The following TNRC6A variants were observed in gnomAD, a reference collection of about 807,000 sequenced individuals.
TNRC6A encodes trinucleotide repeat containing adaptor 6A, also known as trinucleotide repeat-containing gene 6A protein.
A neutral mutation model predicts 221.2 loss-of-function variants in TNRC6A; 44 were observed. That is an observed-to-expected ratio of 0.20 (90% confidence interval 0.16 to 0.26). The LOEUF is 0.26. TNRC6A is among the 10% of genes least tolerant of loss of function. The pLI is 1.00. For synonymous variants in TNRC6A, 847 were observed against 838.5 expected, an observed-to-expected ratio of 1.01 and a Z score of -0.18; for missense variants, 2,199 against 2,404.4, an observed-to-expected ratio of 0.91 and a Z score of 1.79.
chr16:24,721,779 CTG>C (rs1398790412), intron 2 of TNRC6A, among the ~76,000 whole-genome samples: 1 of 152,162 alleles, frequency 6.6e-6, no homozygotes, highest in Admixed American at 6.5e-5. Flanking sequence ...AGTAAACAAA[CTG>C]TGGTATATCC....
intron 2 of TNRC6A, among the ~76,000 whole-genome samples, chr16:24,676,843 C>T (rs887105405): frequency 3.3e-5 from 5 of 152,184 alleles, no homozygotes; most frequent in Non-Finnish European, 7.3e-5. Context: ...ACTCCTATCT[C>T]TCTGAGTGCT....
chr16:24,739,478 C>CTTTTTTTTTTTTTTTTTTTTTTTTTT, intron 2 of TNRC6A, among the ~76,000 whole-genome samples: 1 of 118,294 alleles, frequency 8.5e-6, no homozygotes, highest in Non-Finnish European at 1.7e-5. Flanking sequence ...TTTCCTTTCA[C>CTTTTTTTTTTTTTTTTTTTTTTTTTT]TTTTTTTTTT....
intron 5 of TNRC6A, among the ~76,000 whole-genome samples, chr16:24,777,760 A>C (rs2057756924): frequency 6.6e-6 from 1 of 152,186 alleles, no homozygotes; most frequent in South Asian, 2.1e-4. Flanking sequence ...TGACATACCA[A>C]GATGTTAAAT....
chr16:24,624,736 G>A (rs748938144), intron 1 of TNRC6A, among the ~76,000 whole-genome samples: 10 of 152,184 alleles, frequency 6.6e-5, no homozygotes, highest in East Asian at 1.9e-4. Flanking sequence ...CTCCTGCCTC[G>A]GCCTCCCAAA....
intron 2 of TNRC6A, among the ~76,000 whole-genome samples, chr16:24,679,765 C>T (rs1408213451): frequency 6.6e-6 from 1 of 152,082 alleles, no homozygotes; most frequent in East Asian, 1.9e-4. Context: ...GCGTGAGCCA[C>T]CCCACCTGGC....
intron 2 of TNRC6A, among the ~76,000 whole-genome samples, chr16:24,664,545 TATA>T (rs1352629712): frequency 1.4e-5 from 2 of 143,274 alleles, no homozygotes; most frequent in African/African-American, 2.5e-5. Context: ...ATTTTTAAAA[TATA>T]ATATATTTTT....
chr16:24,791,892 G>A (rs1216793971), intron 6 of TNRC6A, 75 bp downstream of exon 6: 53 of 1,392,570 alleles, frequency 3.8e-5, no homozygotes, highest in Non-Finnish European at 4.5e-5. Flanking sequence ...CAAAGTACTT[G>A]GATATGCACA....
At chr16:24,696,138 G>A (rs943695538) in intron 2 of TNRC6A, among the ~76,000 whole-genome samples, 11 of 151,998 alleles carry the variant, frequency 7.2e-5, no homozygotes, top group African/African-American at 2.7e-4. Flanking sequence ...CACGAGGTCA[G>A]GAGATCAAGA....
At chr16:24,809,322 G>T (rs1487043610) in intron 17 of TNRC6A, 28 bp from the exon 18 acceptor site, 1 of 1,474,854 alleles carries the variant, frequency 6.8e-7, no homozygotes, top group African/African-American at 1.4e-5. Context: ...TATTTTCTAA[G>T]GTTTTGTTTT....
At position 24,824,496 on chromosome 16, in the gene TNRC6A, C is replaced by T. The variant is rs528845451; in HGVS notation, c.*689C>T. The T allele has an allele frequency of 6.6e-6, 1 of 152,584 alleles. No individual in the cohort carries two copies. The highest frequency in any genetic ancestry group is 2.1e-4 in the South Asian group (1 of 4,808). 9.5% of individuals were successfully genotyped at this position (152,584 alleles called of 1,614,324 possible). On this transcript the variant is annotated 3_prime_UTR_variant, in exon 25 of 25. Transcript: ENST00000395799. ...AGCCCACCTGCCACCCAGGACGGGCCCTGCACTTTGAATAGGCTTTCCATT... is the reference window on the plus strand; with the variant it reads ...AGCCCACCTGCCACCCAGGACGGGCTCTGCACTTTGAATAGGCTTTCCATT...
At chr16:24,636,065 G>A (rs1901621619) in intron 1 of TNRC6A, among the ~76,000 whole-genome samples, 1 of 152,204 alleles carries the variant, frequency 6.6e-6, no homozygotes, top group Non-Finnish European at 1.5e-5. Flanking sequence ...AGTTCCAATG[G>A]CAGGGTGCCA....
intron 23 of TNRC6A, 55 bp downstream of exon 23, chr16:24,822,202 G>T: frequency 2.5e-6 from 4 of 1,572,316 alleles, no homozygotes; most frequent in Non-Finnish European, 3.5e-6. Context: ...CATGGGAACA[G>T]AGGTTCGGGT....
intron 14 of TNRC6A, 132 bp downstream of exon 14, chr16:24,805,283 T>TAA: frequency 7.7e-7 from 1 of 1,290,790 alleles, no homozygotes; most frequent in Admixed American, 2.4e-5. Context: ...AGTTTTGAAT[T>TAA]AACTATTAAA....
intron 2 of TNRC6A, among the ~76,000 whole-genome samples, chr16:24,724,240 G>GTGTC (rs921597842): frequency 6.6e-6 from 1 of 151,976 alleles, no homozygotes; most frequent in African/African-American, 2.4e-5. Context: ...AATCATTTGA[G>GTGTC]TGTTTGTTTG....
At chr16:24,792,863 A>G (rs1376235923) in intron 6 of TNRC6A, among the ~76,000 whole-genome samples, 1 of 144,994 alleles carries the variant, frequency 6.9e-6, no homozygotes, top group Non-Finnish European at 1.5e-5. Context: ...ATCTCGGTTC[A>G]CTGCAGCCTC....
chr16:24,823,426 C>T lies in TNRC6A; in HGVS notation c.5514-6C>T, dbSNP rs202131655. The T allele has an allele frequency of 8.1e-6, 13 of 1,607,416 alleles. No homozygotes were observed. Among genetic ancestry groups the T allele is most frequent in the Non-Finnish European group, 1.0e-5 (12 of 1,176,054 alleles). The stretch of plus-strand genomic sequence containing the variant: ...CTCACGTGTCCGCGGTGCCTCTCTC[C>T]TCTAGGTGTGTACTGGGGAACACTA... On this transcript the variant is annotated splice_region_variant and splice_polypyrimidine_tract_variant and intron_variant, in intron 24 of 24. Transcript: ENST00000395799. The surrounding 1 kb of genome is among the most constrained non-coding windows in gnomAD (Gnocchi z 4.3).
In TNRC6A at chr16:24,789,944, A is replaced by G. The variant is rs775799349; in HGVS notation, c.1302A>G (p.Thr434=). 6.8e-6 allele frequency: 11 copies of G among 1,614,020 alleles called. No individual in the cohort carries two copies. The Admixed American group carries it at 1.5e-4, about 22-fold the overall frequency. The change falls in exon 6 of 25, where the codon ACA becomes ACG. Residue 434 remains threonine, a synonymous_variant. Transcript: ENST00000395799. The part of the protein sequence containing the change: ...QETCESEVSG[T]QKVSFSGQPQ... ...CTTGTGAATCTGAAGTAAGTGGTAC[A>G]CAGAAGGTTTCATTCAGTGGTCAAC... is the stretch of plus-strand genomic sequence containing the variant.
At chr16:24,771,561 T>TATG (rs1555502085) in intron 4 of TNRC6A, among the ~76,000 whole-genome samples, 32,517 of 93,746 alleles carry the variant, frequency 0.35, 5,839 homozygotes, top group African/African-American at 0.41. Flanking sequence ...TATGTTATGT[T>TATG]TTATGTTATG....
intron 2 of TNRC6A, among the ~76,000 whole-genome samples, chr16:24,719,052 A>G (rs1256869278): frequency 6.6e-6 from 1 of 150,562 alleles, no homozygotes; most frequent in African/African-American, 2.5e-5. Flanking sequence ...AAAAAAAAAG[A>G]AAAGAAAAAG....
Sources: allele counts gnomAD v4.1 joint callset (sites outside exome capture counted in the v4.1 genomes callset), GRCh38; gene constraint gnomAD v4.1.1; non-coding constraint Gnocchi (gnomAD v3.1); transcripts MANE v1.5; gene names NCBI Gene and HGNC (gene_info 2026-07-23, HGNC 2026-07-21).